Variants in AOPEP observed in about 807,000 individuals in gnomAD.
The protein encoded by AOPEP is aminopeptidase O.
In AOPEP, 77 loss-of-function variants were observed where a neutral mutation model predicts 98.1. That is an observed-to-expected ratio of 0.78 (90% CI 0.65 to 0.95). The LOEUF (loss-of-function observed/expected upper bound fraction) is 0.95. AOPEP is among the 40% of genes least tolerant of loss of function. The probability of loss-of-function intolerance (pLI) is 0.00; values close to 1 mark genes in which losing one functional copy is unlikely to be tolerated. For missense variants in AOPEP, 1,024 were observed against 1,024.7 expected, an observed-to-expected ratio of 1.00 and a Z score of 0.01; for synonymous variants, 346 against 365.3, an observed-to-expected ratio of 0.95 and a Z score of 0.60.
At chr9:94,905,937 A>G (rs1028870426) in intron 5 of AOPEP, among the ~76,000 whole-genome samples, 6 of 152,254 alleles carry the variant, frequency 3.9e-5, no homozygotes, top group Admixed American at 6.5e-5. Context: ...ACAGCAGATC[A>G]TGCAGCAGAA....
chr9:95,009,529 A>G (rs2062325158), intron 13 of AOPEP, among the ~76,000 whole-genome samples: 1 of 152,184 alleles, frequency 6.6e-6, no homozygotes, highest in African/African-American at 2.4e-5. Context: ...GTAAGTGTGT[A>G]TGATGATGTC....
At chr9:94,814,825 C>T (rs886814339) in intron 5 of AOPEP, among the ~76,000 whole-genome samples, 26 of 152,160 alleles carry the variant, frequency 1.7e-4, no homozygotes, top group African/African-American at 5.6e-4. Flanking sequence ...GGAATTACAG[C>T]CTCATTAATG....
At chr9:94,783,975 C>T (rs556942724) in intron 3 of AOPEP, among the ~76,000 whole-genome samples, 20 of 152,228 alleles carry the variant, frequency 1.3e-4, no homozygotes, top group African/African-American at 4.3e-4. Flanking sequence ...AATAAAAGCA[C>T]GTATCAATTT....
At chr9:95,034,412 C>T (rs1173442829) in intron 13 of AOPEP, among the ~76,000 whole-genome samples, 1 of 152,134 alleles carries the variant, frequency 6.6e-6, no homozygotes, top group Admixed American at 6.5e-5. Context: ...AAAGAATCTA[C>T]CAAATGGGTA....
rs536386220 is a variant in AOPEP at position 94,944,488 on chromosome 9, G to A, written c.1662-10689G>A. On this transcript the variant is annotated intron_variant, in intron 7 of 16. Coordinates refer to ENST00000375315, the MANE Select transcript of AOPEP (RefSeq NM_001193329.3). ...CAGCGGAAAAAGCTGGACACAAAAG[G>A]CCACATACTGTATCATGTGATTTAT... 1.2e-4 allele frequency among the ~76,000 whole-genome samples: 19 copies of A among 152,278 alleles called. No homozygotes were observed. In the East Asian group the frequency reaches 2.9e-3, roughly 23 times the overall value.
the AOPEP span, among the ~76,000 whole-genome samples, chr9:95,093,406 G>A: frequency 1.3e-5 from 2 of 152,154 alleles, no homozygotes; most frequent in Admixed American, 6.5e-5. Context: ...CGGTGACTAC[G>A]GTGCAAGGAT....
chr9:94,913,271 G>A (rs2052345411), intron 5 of AOPEP, among the ~76,000 whole-genome samples: 1 of 152,160 alleles, frequency 6.6e-6, no homozygotes, highest in African/African-American at 2.4e-5. Context: ...GGAAAGGTTA[G>A]TTAAAATCAG....
At chr9:94,774,659 G>GT (rs1271940429) in intron 3 of AOPEP, among the ~76,000 whole-genome samples, 1 of 152,000 alleles carries the variant, frequency 6.6e-6, no homozygotes, top group Non-Finnish European at 1.5e-5. Context: ...GATTATTTCA[G>GT]TTTTTTTCCT....
chr9:94,885,839 G>A (rs72748548), intron 5 of AOPEP, among the ~76,000 whole-genome samples: 4,402 of 152,180 alleles, frequency 0.029, 174 homozygotes, highest in African/African-American at 0.084. Context: ...AAAGCTTTCT[G>A]TATGAAAAGT....
At chr9:94,865,348 A>G (rs1037162605) in intron 5 of AOPEP, among the ~76,000 whole-genome samples, 7 of 152,146 alleles carry the variant, frequency 4.6e-5, no homozygotes, top group Non-Finnish European at 7.4e-5. Context: ...TTCTTTTTTT[A>G]CTTCCTTTCC....
chr9:94,994,929 C>A (rs2061127764), intron 11 of AOPEP, among the ~76,000 whole-genome samples: 2 of 152,056 alleles, frequency 1.3e-5, no homozygotes, highest in South Asian at 4.2e-4. Flanking sequence ...CTATCCCGGG[C>A]AACAGAGTGA....
rs1159335740 is a variant in AOPEP at position 94,751,870 on chromosome 9, A to AC, written c.-135-7778dup. 2.7e-5 allele frequency among the ~76,000 whole-genome samples: 4 copies of AC among 150,686 alleles called. No homozygotes were observed. In the East Asian group the frequency reaches 7.7e-4, roughly 29 times the overall value. On this transcript the variant is annotated intron_variant, in intron 1 of 16. Transcript: ENST00000375315. ...ATTGATCCCATCATTCAGACTGTGAACAGAGTACCCATGAAAACTTTTTTT... is the reference window on the plus strand; with the variant it reads ...ATTGATCCCATCATTCAGACTGTGAACCAGAGTACCCATGAAAACTTTTTTT...
chr9:94,943,548 C>T (rs527896958), intron 7 of AOPEP, among the ~76,000 whole-genome samples: 4 of 146,892 alleles, frequency 2.7e-5, no homozygotes, highest in South Asian at 2.2e-4. Flanking sequence ...GAGCTGAGAT[C>T]GTGCCCCTGC....
chr9:94,737,937 G>A (rs775358743), intron 1 of AOPEP, among the ~76,000 whole-genome samples: 7 of 152,178 alleles, frequency 4.6e-5, no homozygotes, highest in Non-Finnish European at 8.8e-5. Context: ...TGGGGTTCGG[G>A]CAGTAGAGTG....
downstream of AOPEP, among the ~76,000 whole-genome samples, chr9:95,090,324 CCT>C (rs761172706): frequency 6.6e-6 from 1 of 152,252 alleles, no homozygotes; most frequent in Non-Finnish European, 1.5e-5. Context: ...AGTCCTTCCC[CCT>C]GAGGCCGCAG....
chr9:94,924,170 C>T lies in AOPEP; in HGVS notation c.1549C>T (p.Gln517Ter), dbSNP rs916340320. 1 of 1,396,558 alleles carries T rather than the reference C, an allele frequency of 7.2e-7. No homozygotes were observed. Among genetic ancestry groups the T allele is most frequent in the Non-Finnish European group, 9.4e-7 (1 of 1,065,688 alleles). The allele number at this position is 1,396,558 out of a possible 1,614,324, so 86.5% of individuals were successfully genotyped here. Residue 517 changes from glutamine to a stop codon, truncating the protein, a stop_gained, in exon 6 of 17, where the codon CAG (glutamine) becomes TAG (stop). Coordinates refer to ENST00000375315, the MANE Select transcript of AOPEP (RefSeq NM_001193329.3). LOFTEE classifies it high-confidence loss of function. ...GGAGGATGTGTTTTGGGCCACAGCACAGCAGGTGGGTTAAAGTGACCCTAA... is the reference window on the plus strand; with the variant it reads ...GGAGGATGTGTTTTGGGCCACAGCATAGCAGGTGGGTTAAAGTGACCCTAA... ...HLEDVFWATAQQLAPYEAREQ... is the reference protein window; with the variant it reads ...HLEDVFWATA
chr9:94,963,232 A>G (rs183243243), intron 9 of AOPEP, among the ~76,000 whole-genome samples: 163 of 152,254 alleles, frequency 1.1e-3, no homozygotes, highest in Admixed American at 2.0e-3. Context: ...AATACTCGAC[A>G]GAAATTGCTA....
chr9:95,059,484 G>C (rs1329254301), intron 13 of AOPEP, among the ~76,000 whole-genome samples: 1 of 150,436 alleles, frequency 6.6e-6, no homozygotes, highest in African/African-American at 2.5e-5. Context: ...CTGTCTGCCC[G>C]TTGCCCCCCG....
intron 4 of AOPEP, among the ~76,000 whole-genome samples, chr9:94,797,485 T>C (rs1478144931): frequency 6.6e-6 from 1 of 152,010 alleles, no homozygotes; most frequent in African/African-American, 2.4e-5. Flanking sequence ...AAGGCGATTC[T>C]ATGAAGAATG....
Sources: allele counts gnomAD v4.1 joint callset (sites outside exome capture counted in the v4.1 genomes callset), GRCh38; gene constraint gnomAD v4.1.1; transcripts MANE v1.5; gene names NCBI Gene and HGNC (gene_info 2026-07-23, HGNC 2026-07-21).